SYDE1: variants seen among roughly 807,000 people sequenced by gnomAD.
SYDE1 encodes synapse defective Rho GTPase activating protein 1, also known as rho GTPase-activating protein SYDE1.
Under a neutral mutation model 63.3 loss-of-function variants are expected in SYDE1, and 34 were observed. That is an observed-to-expected ratio of 0.54 (90% confidence interval 0.41 to 0.71). The LOEUF (loss-of-function observed/expected upper bound fraction) is 0.71. Among genes scored for constraint, SYDE1 ranks in the 30% least tolerant of loss-of-function variants. The probability of loss-of-function intolerance (pLI) is 0.00; values close to 1 mark genes in which losing one functional copy is unlikely to be tolerated. For missense variants in SYDE1, 925 were observed against 1,042.5 expected, an observed-to-expected ratio of 0.89 and a Z score of 1.55; for synonymous variants, 467 against 473.4, an observed-to-expected ratio of 0.99 and a Z score of 0.18.
Position 15,109,124 on chromosome 19 carries a change from G to A in SYDE1, c.157G>A (p.Ala53Thr). 7 of 1,549,688 alleles carry A rather than the reference G, an allele frequency of 4.5e-6. No individual in the cohort carries two copies. Among genetic ancestry groups the A allele is most frequent in the Non-Finnish European group, 6.1e-6 (7 of 1,146,650 alleles). Residue 53 changes from alanine (A) to threonine (T), a missense_variant, in exon 2 of 8, where the codon GCC becomes ACC. Transcript: ENST00000342784. This position sits in a 1 kb window ranked among gnomAD's most constrained non-coding sequence, Gnocchi z 5.0. ...PEPQAPEGSQ[A>T]GAEGPSSPEA... ...GCCCCAGGCTCCCGAAGGGTCCCAG[G>A]CCGGAGCAGAGGGGCCCTCCAGCCC...
At position 15,107,521 on chromosome 19, in the gene SYDE1, G is replaced by A; in HGVS notation, c.88G>A (p.Gly30Ser). Reference protein sequence around the residue: ...PRKKSDAKERGHPAQRPEPSP... With the variant: ...PRKKSDAKERSHPAQRPEPSP... ...GAAAAAGTCGGACGCCAAGGAGCGC[G>A]GTAAGCGGAGATCGGTGGGGAACAG... Residue 30 changes from glycine (G) to serine (S), a missense_variant and splice_region_variant, in exon 1 of 8, where the codon GGC becomes AGC. Physicochemically the swap from Gly to Ser is moderately conservative, Grantham distance 56 (BLOSUM62 0). Around this residue, in one of 3 missense-constraint regions of SYDE1, gnomAD observed 599 missense variants for 653.7 expected, o/e 0.92. Transcript: ENST00000342784. The A allele has an allele frequency of 6.5e-7, 1 of 1,541,036 alleles. No individual in the cohort carries two copies. Among genetic ancestry groups the A allele is most frequent in the Non-Finnish European group, 8.8e-7 (1 of 1,140,224 alleles).
Position 15,113,791 on chromosome 19 carries a change from C to A in SYDE1, c.2036C>A (p.Thr679Lys), listed in dbSNP as rs746768171. The change falls in exon 8 of 8, where the codon ACG becomes AAG. Residue 679 changes from threonine (T) to lysine (K), a missense_variant. By Grantham distance (78) the Thr-to-Lys change is moderately conservative. Transcript: ENST00000342784. ...TCCGGGCCAGACTACGACCACGTGACGGGCAGTGACAGCGAGGACGAGGAC... is the reference window on the plus strand; with the variant it reads ...TCCGGGCCAGACTACGACCACGTGAAGGGCAGTGACAGCGAGGACGAGGAC... ...FLSGPDYDHV[T>K]GSDSEDEDEE... 1.8e-5 allele frequency: 29 copies of A among 1,614,036 alleles called. No individual in the cohort carries two copies. In the South Asian group the frequency reaches 3.0e-4, roughly 16 times the overall value.
chr19:15,113,822 G>T lies in SYDE1; in HGVS notation c.2067G>T (p.Glu689Asp). The change falls in exon 8 of 8, where the codon GAG becomes GAT. Residue 689 changes from glutamate (E) to aspartate (D), a missense_variant. Glu to Asp is a conservative substitution (Grantham distance 45). Transcript: ENST00000342784. ...GTGACAGCGAGGACGAGGACGAGGA[G>T]GTCGGCGAGCCGAGGGTCACCGGTG... ...TGSDSEDEDEEVGEPRVTGDF... is the reference protein window; with the variant it reads ...TGSDSEDEDEDVGEPRVTGDF... The T allele has an allele frequency of 6.2e-7, 1 of 1,614,136 alleles. No individual in the cohort carries two copies. Among genetic ancestry groups the T allele is most frequent in the Non-Finnish European group, 8.5e-7 (1 of 1,180,032 alleles).
Position 15,109,542 on chromosome 19 carries a change from C to T in SYDE1, c.430+145C>T, listed in dbSNP as rs1381685858. ...TCCCTTCAGGGGAGCACCAGCCTCA[C>T]ATCCCCACCCCGTCAGATGCTCCCA... On this transcript the variant is annotated intron_variant, in intron 2 of 7. Coordinates refer to ENST00000342784, the MANE Select transcript of SYDE1 (RefSeq NM_033025.6). The surrounding 1 kb of genome is among the most constrained non-coding windows in gnomAD (Gnocchi z 5.0). 7 of 1,059,744 alleles carry T rather than the reference C, an allele frequency of 6.6e-6. No homozygotes were observed. The South Asian group carries it at 6.7e-5, about 10-fold the overall frequency. The allele number at this position is 1,059,744 out of a possible 1,614,324, so 65.6% of individuals were successfully genotyped here.
chr19:15,108,702 C>G lies in SYDE1; in HGVS notation c.89-354C>G, dbSNP rs1260395830. 3 of 224,306 alleles carry G rather than the reference C, an allele frequency of 1.3e-5. No individual in the cohort carries two copies. Among genetic ancestry groups the G allele is most frequent in the Non-Finnish European group, 2.6e-5 (3 of 115,542 alleles). 13.9% of individuals were successfully genotyped at this position (224,306 alleles called of 1,614,324 possible). On this transcript the variant is annotated intron_variant, in intron 1 of 7. Transcript: ENST00000342784. The surrounding 1 kb of genome is among the most constrained non-coding windows in gnomAD (Gnocchi z 4.3). ...GCCTCAGAGAGGGAAGCGACTTGCC[C>G]AAGGCCACGCAGGTGCAAAGCTCCA...
rs975166842 is a variant in SYDE1 at position 15,109,978 on chromosome 19, A to C, written c.705A>C (p.Ser235=). 6.3e-5 allele frequency: 94 copies of C among 1,487,506 alleles called. No homozygotes were observed. Among genetic ancestry groups the C allele is most frequent in the Non-Finnish European group, 8.2e-5 (92 of 1,126,860 alleles). 92.1% of individuals were successfully genotyped at this position (1,487,506 alleles called of 1,614,324 possible). A position where few individuals can be genotyped will look rare whatever the true frequency, so the allele number is the denominator to read the frequency against. ...CCGGTTACCTCAGCGACGGGGACTC[A>C]CCGGAGCGCCCAGCTGGGCCCCCAT... The part of the protein sequence containing the change: ...PRAGYLSDGD[S]PERPAGPPSP... Residue 235 remains serine (S), a synonymous_variant, in exon 3 of 8, where the codon TCA becomes TCC. Transcript: ENST00000342784. This position sits in a 1 kb window ranked among gnomAD's most constrained non-coding sequence, Gnocchi z 5.0.
chr19:15,110,923 T>C lies in SYDE1; in HGVS notation c.1290+188T>C, dbSNP rs1279559353. On this transcript the variant is annotated intron_variant, in intron 4 of 7. Coordinates refer to ENST00000342784, the MANE Select transcript of SYDE1 (RefSeq NM_033025.6). The surrounding 1 kb of genome is among the most constrained non-coding windows in gnomAD (Gnocchi z 6.9). ...CTGGGCAGAACCCATGGGTCATCCATTGATTTAAAAACAGGATCCAAGCCC... is the reference window on the plus strand; with the variant it reads ...CTGGGCAGAACCCATGGGTCATCCACTGATTTAAAAACAGGATCCAAGCCC... 6.6e-6 allele frequency among the ~76,000 whole-genome samples: 1 copy of C among 152,070 alleles called. No homozygotes were observed. The highest frequency in any genetic ancestry group is 2.4e-5 in the African/African-American group (1 of 41,408).
chr19:15,113,437 CCAGTGAAAA>C, intron 7 of SYDE1, 114 bp from the exon 8 acceptor site: 1 of 1,158,804 alleles, frequency 8.6e-7, no homozygotes, highest in Non-Finnish European at 1.2e-6. Context: ...CCTAGCTCTG[CCAGTGAAAA>C]CCTGAAAGGG....
At position 15,111,642 on chromosome 19, in the gene SYDE1, G is replaced by A; in HGVS notation, c.1428G>A (p.Lys476=). The A allele has an allele frequency of 6.2e-7, 1 of 1,613,890 alleles. No homozygotes were observed. Among genetic ancestry groups the A allele is most frequent in the Non-Finnish European group, 8.5e-7 (1 of 1,179,960 alleles). ...ACCCTGTGTTCACAGGCATCCTCAA[G>A]GATTATCTTCGAGAGTTGCCCACCC... ...PDINVITGIL[K]DYLRELPTPL... Residue 476 remains lysine, a synonymous_variant, in exon 6 of 8, where the codon AAG becomes AAA. Transcript: ENST00000342784. The surrounding 1 kb of genome is among the most constrained non-coding windows in gnomAD (Gnocchi z 5.5).
In SYDE1 at chr19:15,109,716, C is replaced by T. The variant is rs775657890; in HGVS notation, c.443C>T (p.Ala148Val). The change falls in exon 3 of 8, where the codon GCC (alanine) becomes GTC (valine). Residue 148 changes from alanine to valine, a missense_variant. Coordinates refer to ENST00000342784, the MANE Select transcript of SYDE1 (RefSeq NM_033025.6). This position sits in a 1 kb window ranked among gnomAD's most constrained non-coding sequence, Gnocchi z 5.0. ...EGLAPQGAAPASPPTKASRTK... is the reference protein window; with the variant it reads ...EGLAPQGAAPVSPPTKASRTK... ...GCTCTCCACACAGGTGCAGCCCCCG[C>T]CAGCCCCCCAACCAAAGCCTCCCGC... The T allele has an allele frequency of 2.0e-6, 3 of 1,512,988 alleles. No homozygotes were observed. Among genetic ancestry groups the T allele is most frequent in the Non-Finnish European group, 2.7e-6 (3 of 1,129,278 alleles). 93.7% of individuals were successfully genotyped at this position (1,512,988 alleles called of 1,614,324 possible).
At chr19:15,113,224 G>T (rs977186675) in intron 7 of SYDE1, among the ~76,000 whole-genome samples, 1 of 150,928 alleles carries the variant, frequency 6.6e-6, no homozygotes, top group Non-Finnish European at 1.5e-5. Flanking sequence ...ATTTTTAGTG[G>T]AGATGGGGCT....
rs2046344759 is a variant in SYDE1, at chr19:15,111,373, T to C, written c.1351T>C (p.Phe451Leu). The C allele has an allele frequency of 6.2e-7, 1 of 1,614,032 alleles. No homozygotes were observed. Among genetic ancestry groups the C allele is most frequent in the East Asian group, 2.2e-5 (1 of 44,884 alleles). The change falls in exon 5 of 8, where the codon TTT (phenylalanine) becomes CTT (leucine). Residue 451 changes from phenylalanine (F) to leucine (L), a missense_variant. Around this residue, in one of 3 missense-constraint regions of SYDE1, gnomAD observed 599 missense variants for 653.7 expected, o/e 0.92. Transcript: ENST00000342784. This position sits in a 1 kb window ranked among gnomAD's most constrained non-coding sequence, Gnocchi z 5.5. Reference sequence around the variant, plus strand: ...AGTGAAGAAAGAGCTTCGGGATGCCTTTGAGCGGGACAGTGCAGCGGTCTG... The same window carrying C: ...AGTGAAGAAAGAGCTTCGGGATGCCCTTGAGCGGGACAGTGCAGCGGTCTG... ...AAVKKELRDA[F>L]ERDSAAVCLS...
Position 15,109,814 on chromosome 19 carries a change from A to T in SYDE1, c.541A>T (p.Ser181Cys). Residue 181 changes from serine to cysteine, a missense_variant, in exon 3 of 8, where the codon AGC (serine) becomes TGC (cysteine). Physicochemically the swap from Ser to Cys is moderately radical, Grantham distance 112. This residue lies in a region of SYDE1 where 599 missense variants were observed against 653.7 expected (regional missense o/e 0.92). Transcript: ENST00000342784. The surrounding 1 kb of genome is among the most constrained non-coding windows in gnomAD (Gnocchi z 5.0). ...GCTGCCGGAACTGCGGCGCCGCCTG[A>T]GCCTGCGAGGCCCCCGGGCTGGCAG... is the stretch of plus-strand genomic sequence containing the variant. Reference protein sequence around the residue: ...KKLPELRRRLSLRGPRAGRER... With the variant: ...KKLPELRRRLCLRGPRAGRER... The T allele has an allele frequency of 1.3e-6, 2 of 1,534,646 alleles. No individual in the cohort carries two copies. Among genetic ancestry groups the T allele is most frequent in the Non-Finnish European group, 1.7e-6 (2 of 1,145,254 alleles).
Position 15,113,812 on chromosome 19 carries a change from A to T in SYDE1, c.2057A>T (p.Glu686Val), listed in dbSNP as rs1599326628. 1 of 1,614,128 alleles carries T rather than the reference A, an allele frequency of 6.2e-7. No homozygotes were observed. The highest frequency in any genetic ancestry group is 2.2e-5 in the East Asian group (1 of 44,884). ...DHVTGSDSED[E>V]DEEVGEPRVT... ...GTGACGGGCAGTGACAGCGAGGACGAGGACGAGGAGGTCGGCGAGCCGAGG... is the reference window on the plus strand; with the variant it reads ...GTGACGGGCAGTGACAGCGAGGACGTGGACGAGGAGGTCGGCGAGCCGAGG... The change falls in exon 8 of 8, where the codon GAG becomes GTG. Residue 686 changes from glutamate (E) to valine (V), a missense_variant. This residue lies in a region of SYDE1 where 255 missense variants were observed against 255.9 expected (regional missense o/e 1.00). Coordinates refer to ENST00000342784, the MANE Select transcript of SYDE1 (RefSeq NM_033025.6).
rs966129715 is a variant in SYDE1, at chr19:15,113,566, G to A, written c.1811G>A (p.Arg604His). The change falls in exon 8 of 8, where the codon CGC becomes CAC. Residue 604 changes from arginine to histidine, a missense_variant. Physicochemically the swap from Arg to His is conservative, Grantham distance 29. Transcript: ENST00000342784. ...HYLLQSWPDP[R>H]LPRQSPDVAP... Reference sequence around the variant, plus strand: ...CTACCCTGTCTCCCTTCAGATCCCCGCCTGCCCCGACAATCTCCAGATGTC... The same window carrying A: ...CTACCCTGTCTCCCTTCAGATCCCCACCTGCCCCGACAATCTCCAGATGTC... 1.3e-6 allele frequency: 2 copies of A among 1,552,568 alleles called. No homozygotes were observed. Among genetic ancestry groups the A allele is most frequent in the Non-Finnish European group, 1.7e-6 (2 of 1,148,894 alleles).
At position 15,110,113 on chromosome 19, in the gene SYDE1, A is replaced by G; in HGVS notation, c.840A>G (p.Pro280=). Residue 280 remains proline (P), a synonymous_variant, in exon 3 of 8, where the codon CCA becomes CCG. Coordinates refer to ENST00000342784, the MANE Select transcript of SYDE1 (RefSeq NM_033025.6). The surrounding 1 kb of genome is among the most constrained non-coding windows in gnomAD (Gnocchi z 6.9). The part of the protein sequence containing the change: ...LHLYGLGGLR[P]APGATPRDLC... ...TGTACGGTCTCGGGGGGCTGCGGCC[A>G]GCGCCGGGGGCCACCCCCAGGGACC... is the stretch of plus-strand genomic sequence containing the variant. The G allele has an allele frequency of 7.1e-7, 1 of 1,408,928 alleles. No homozygotes were observed. The highest frequency in any genetic ancestry group is 9.2e-7 in the Non-Finnish European group (1 of 1,088,470). The allele number at this position is 1,408,928 out of a possible 1,614,324, so 87.3% of individuals were successfully genotyped here. A position where few individuals can be genotyped will look rare whatever the true frequency, so the allele number is the denominator to read the frequency against.
rs777534130 is a variant in SYDE1 at position 15,112,499 on chromosome 19, C to A, written c.1732C>A (p.Pro578Thr). 7 of 1,606,560 alleles carry A rather than the reference C, an allele frequency of 4.4e-6. No individual in the cohort carries two copies. The highest frequency in any genetic ancestry group is 4.0e-5 in the African/African-American group (3 of 74,878). ...PTRPRARSSGPGLASAVDFKH... is the reference protein window; with the variant it reads ...PTRPRARSSGTGLASAVDFKH... ...AAGGCCTCGTGCCCGCAGCTCCGGC[C>A]CAGGCCTTGCCAGTGCAGTGGACTT... The change falls in exon 7 of 8, where the codon CCA (proline) becomes ACA (threonine). Residue 578 changes from proline to threonine, a missense_variant. Physicochemically the swap from Pro to Thr is conservative, Grantham distance 38. Transcript: ENST00000342784.
chr19:15,109,452 T>C lies in SYDE1; in HGVS notation c.430+55T>C. 1.4e-6 allele frequency: 2 copies of C among 1,477,384 alleles called. No individual in the cohort carries two copies. The highest frequency in any genetic ancestry group is 2.6e-5 in the Admixed American group (1 of 38,786). 91.5% of individuals were successfully genotyped at this position (1,477,384 alleles called of 1,614,324 possible). A position where few individuals can be genotyped will look rare whatever the true frequency, so the allele number is the denominator to read the frequency against. On this transcript the variant is annotated intron_variant, in intron 2 of 7. Transcript: ENST00000342784. The surrounding 1 kb of genome is among the most constrained non-coding windows in gnomAD (Gnocchi z 5.0). The stretch of plus-strand genomic sequence containing the variant: ...AAGGTGAGCACCAGCTCCACATCCC[T>C]TCCCTTCAGGGTAGCACCAGCCTCA...
intron 7 of SYDE1, 87 bp downstream of exon 7, chr19:15,112,658 C>A: frequency 1.7e-6 from 2 of 1,163,628 alleles, no homozygotes; most frequent in African/African-American, 1.5e-5. Context: ...GTGTCTTAGG[C>A]TTGAAGCTAC....
Sources: allele counts gnomAD v4.1 joint callset (sites outside exome capture counted in the v4.1 genomes callset), GRCh38; gene constraint gnomAD v4.1.1; regional missense constraint gnomAD v4.1.1; non-coding constraint Gnocchi (gnomAD v3.1); transcripts MANE v1.5; gene names NCBI Gene and HGNC (gene_info 2026-07-23, HGNC 2026-07-21).